The following ZMAT1 variants were observed in gnomAD, a reference collection of about 807,000 sequenced individuals.
The protein encoded by ZMAT1 is zinc finger matrin-type 1.
In ZMAT1, 11 loss-of-function variants were observed where a neutral mutation model predicts 18.5. The ratio of observed to expected loss-of-function variants is 0.59; its 90% confidence interval spans 0.37 to 0.98. The LOEUF is 0.98. Ranked by LOEUF, ZMAT1 falls within the 50% of genes least tolerant of loss-of-function variation. The probability of loss-of-function intolerance (pLI) is 0.01; values close to 1 mark genes in which losing one functional copy is unlikely to be tolerated. For missense variants in ZMAT1, 525 were observed against 496.2 expected, an observed-to-expected ratio of 1.06 and a Z score of -0.55; for synonymous variants, 211 against 176.4, an observed-to-expected ratio of 1.20 and a Z score of -1.55.
chrX:101,929,541 T>C (rs1206981877), intron 1 of ZMAT1, among the ~76,000 whole-genome samples: 1 of 106,523 alleles, frequency 9.4e-6, no homozygotes, highest in Non-Finnish European at 1.9e-5. Context: ...GTGCAATATA[T>C]AAAATGTTTG....
intron 2 of ZMAT1, among the ~76,000 whole-genome samples, chrX:101,903,959 G>T (rs774985712): frequency 1.8e-5 from 2 of 111,671 alleles, no homozygotes; most frequent in Non-Finnish European, 3.8e-5. Flanking sequence ...ATACAAGGGT[G>T]GATGGCTTGA....
chrX:101,882,754 T>C lies in ZMAT1; in HGVS notation c.*756A>G, dbSNP rs1335984806. On this transcript the variant is annotated 3_prime_UTR_variant, in exon 6 of 6. Transcript: ENST00000651725. ...TAATTTTTTTTCTTTTTTAAGAAAA[T>C]GAAGGAAAGTAACTTGAGGAAAAGG... The C allele has an allele frequency of 9.0e-6, 1 of 111,086 alleles. No individual in the cohort carries two copies. The allele number at this position is 111,086 out of a possible 1,213,427, so 9.2% of individuals were successfully genotyped here.
At chrX:101,904,874 G>A (rs1928498239) in intron 1 of ZMAT1, among the ~76,000 whole-genome samples, 1 of 111,722 alleles carries the variant, frequency 9.0e-6, no homozygotes, top group Admixed American at 9.5e-5. Flanking sequence ...GAGCCCAGGA[G>A]GTCGAGGCTG....
chrX:101,886,427 T>G (rs1926951146), intron 5 of ZMAT1, among the ~76,000 whole-genome samples: 1 of 111,300 alleles, frequency 9.0e-6, no homozygotes, highest in African/African-American at 3.3e-5. Flanking sequence ...TTAGCCAGGT[T>G]TGCCAGTACA....
At chrX:101,911,655 A>T (rs2147646845) in intron 1 of ZMAT1, 1 of 1,204,214 alleles carries the variant, frequency 8.3e-7, no homozygotes, top group Admixed American at 2.2e-5. Context: ...GGGAGAAGCC[A>T]GCCCTACGAA....
intron 4 of ZMAT1, among the ~76,000 whole-genome samples, chrX:101,896,620 T>C (rs1218116103): frequency 1.8e-5 from 2 of 112,591 alleles, no homozygotes; most frequent in African/African-American, 6.4e-5. Flanking sequence ...GTTCAAATTA[T>C]ACTATGAGTT....
intron 1 of ZMAT1, chrX:101,931,513 G>A (rs1390191466): frequency 8.0e-6 from 6 of 749,585 alleles, no homozygotes; most frequent in Non-Finnish European, 9.4e-6. Flanking sequence ...GGTGGGAGAG[G>A]TAGGGAAGGC....
At chrX:101,926,324 T>A (rs1930053184) in intron 1 of ZMAT1, among the ~76,000 whole-genome samples, 1 of 112,260 alleles carries the variant, frequency 8.9e-6, no homozygotes, top group African/African-American at 3.2e-5. Context: ...AAACTTACTT[T>A]TTAGCTACTT....
rs6621238 is a variant in ZMAT1 at position 101,887,176 on chromosome X, G to T, written c.677-445C>A. 5,160 of 705,876 alleles carry T rather than the reference G, an allele frequency of 7.3e-3. 129 individuals carry two copies. The African/African-American group carries it at 0.08, about 11-fold the overall frequency. The allele number at this position is 705,876 out of a possible 1,213,427, so 58.2% of individuals were successfully genotyped here. On this transcript the variant is annotated intron_variant, in intron 4 of 5. Transcript: ENST00000651725. The stretch of plus-strand genomic sequence containing the variant: ...TCCCAAAACATTAAAAACAAATAAA[G>T]GCAAATTTTTTACTCTCTTACCTGA...
At chrX:101,915,980 T>C (rs1460315573) in intron 1 of ZMAT1, among the ~76,000 whole-genome samples, 1 of 111,583 alleles carries the variant, frequency 9.0e-6, no homozygotes, top group Non-Finnish European at 1.9e-5. Context: ...ATCAAAGACA[T>C]GGAACCAACC....
chrX:101,884,467 T>G lies in ZMAT1; in HGVS notation c.1131A>C (p.Leu377=). The G allele has an allele frequency of 1.7e-6, 2 of 1,211,407 alleles. No individual in the cohort carries two copies. Among genetic ancestry groups the G allele is most frequent in the Non-Finnish European group, 2.2e-6 (2 of 895,102 alleles). ...TCTTTCTGAAACAAGTCTTTGGATC[T>G]AGTCCTCTGGCTTTCTGTACTTTGA... ...DYIKVQKARG[L]DPKTCFRKMR... is the part of the protein sequence containing the mutation. The change falls in exon 6 of 6, where the codon CTA becomes CTC. Residue 377 remains leucine (L), a synonymous_variant. Coordinates refer to ENST00000651725, the MANE Select transcript of ZMAT1 (RefSeq NM_001394560.1).
At chrX:101,905,745 T>C (rs937548662) in intron 1 of ZMAT1, among the ~76,000 whole-genome samples, 1 of 111,367 alleles carries the variant, frequency 9.0e-6, no homozygotes, top group Admixed American at 9.5e-5. Context: ...CAGAAAAGAA[T>C]GCAGGACTTT....
intron 1 of ZMAT1, 112 bp downstream of exon 1, chrX:101,931,605 C>A (rs979390232): frequency 6.0e-5 from 33 of 550,594 alleles, no homozygotes; most frequent in Non-Finnish European, 2.0e-5. Context: ...TACTGCGCCA[C>A]GGCAGGTGGG....
intron 1 of ZMAT1, among the ~76,000 whole-genome samples, chrX:101,908,919 C>A (rs1928778867): frequency 1.8e-5 from 2 of 110,732 alleles, no homozygotes; most frequent in South Asian, 7.8e-4. Flanking sequence ...ACATGACATA[C>A]TGAGACACCA....
At chrX:101,909,606 A>C (rs1421734234) in intron 1 of ZMAT1, among the ~76,000 whole-genome samples, 1 of 112,147 alleles carries the variant, frequency 8.9e-6, no homozygotes, top group Non-Finnish European at 1.9e-5. Flanking sequence ...CTGTGCCTTA[A>C]GGGAACACCA....
intron 1 of ZMAT1, among the ~76,000 whole-genome samples, chrX:101,926,867 C>T (rs1930087440): frequency 8.9e-6 from 1 of 112,216 alleles, no homozygotes. Flanking sequence ...TGTTTTAATG[C>T]TTTGCTGAAG....
chrX:101,893,904 A>T (rs1294311819), intron 4 of ZMAT1, among the ~76,000 whole-genome samples: 1 of 111,426 alleles, frequency 9.0e-6, no homozygotes, highest in East Asian at 2.8e-4. Context: ...ACCCACATAG[A>T]TCATGCCAGG....
intron 1 of ZMAT1, among the ~76,000 whole-genome samples, chrX:101,924,069 T>A (rs987999551): frequency 4.5e-5 from 5 of 112,065 alleles, no homozygotes; most frequent in Non-Finnish European, 9.4e-5. Flanking sequence ...TGAATTTTTT[T>A]ATGCTACTAT....
In ZMAT1 at chrX:101,931,223, C is replaced by T. The variant is rs1351060067; in HGVS notation, c.292+494G>A. ...TACTTCTAGTTTCTACACTGCAGGA[C>T]GTTGAACACCAAAGGGGGTTTACTC... On this transcript the variant is annotated intron_variant, in intron 1 of 5. Transcript: ENST00000651725. Among the ~76,000 whole-genome samples the T allele has an allele frequency of 2.7e-5, 3 of 111,846 alleles. No individual in the cohort carries two copies. In the East Asian group the frequency reaches 8.5e-4, roughly 32 times the overall value.
Sources: gnomAD v4.1 joint callset for allele counts (sites outside exome capture counted in the v4.1 genomes callset) on GRCh38, gnomAD v4.1.1 for gene constraint, MANE v1.5 for transcripts, NCBI Gene and HGNC (gene_info 2026-07-23, HGNC 2026-07-21) for gene names.